The following DRC11L variants were observed in gnomAD, a reference collection of about 807,000 sequenced individuals.
DRC11L encodes dynein regulatory complex subunit like-11.
At chr7:151,203,078 G>A in the DRC11L span, 11 of 399,194 alleles carry the variant, frequency 2.8e-5, no homozygotes, top group African/African-American at 4.1e-5. Context: ...GCCTCAGTCC[G>A]GTGCATTCCT....
chr7:151,204,647 C>T, the DRC11L span: 1 of 399,196 alleles, frequency 2.5e-6, no homozygotes. Flanking sequence ...GCCGCTTCTG[C>T]GGCTGCACCA....
chr7:151,200,952 C>T, the DRC11L span, among the ~76,000 whole-genome samples: 2 of 151,922 alleles, frequency 1.3e-5, no homozygotes, highest in African/African-American at 2.4e-5. Flanking sequence ...GAGCTGGACC[C>T]GTCCTCTTTC....
chr7:151,192,589 C>T, the DRC11L span: 2 of 398,326 alleles, frequency 5.0e-6, no homozygotes, highest in Non-Finnish European at 4.4e-6. Flanking sequence ...GCCCATCCTG[C>T]TTTGAGACAA....
At chr7:151,203,745 G>T in the DRC11L span, among the ~76,000 whole-genome samples, 2 of 152,268 alleles carry the variant, frequency 1.3e-5, no homozygotes, top group East Asian at 3.9e-4. Context: ...GTAGGTGGCA[G>T]TGGTCTCAGA....
chr7:151,200,663 C>T, the DRC11L span, among the ~76,000 whole-genome samples: 1 of 152,090 alleles, frequency 6.6e-6, no homozygotes, highest in Admixed American at 6.5e-5. Context: ...AGTCAACTGG[C>T]CCCAGGGCCC....
the DRC11L span, chr7:151,196,596 C>T: frequency 4.5e-5 from 18 of 399,478 alleles, no homozygotes; most frequent in Middle Eastern, 6.2e-4. Flanking sequence ...GTCAGAGTGC[C>T]GGGTGCATAC....
At chr7:151,200,591 C>A in the DRC11L span, 7 of 397,130 alleles carry the variant, frequency 1.8e-5, no homozygotes, top group Non-Finnish European at 3.1e-5. Flanking sequence ...CCTGGGCAAG[C>A]CTGCTCAGGT....
At chr7:151,201,744 C>T in the DRC11L span, among the ~76,000 whole-genome samples, 2 of 152,076 alleles carry the variant, frequency 1.3e-5, no homozygotes, top group African/African-American at 4.8e-5. The surrounding 1 kb of genome is among the most constrained non-coding windows in gnomAD (Gnocchi z 4.1). Flanking sequence ...AGGGCCCACC[C>T]CAGGTCAACA....
the DRC11L span, chr7:151,200,445 C>G: frequency 2.5e-6 from 1 of 399,158 alleles, no homozygotes; most frequent in Non-Finnish European, 4.4e-6. Flanking sequence ...TGCAGATAGC[C>G]TTTCCACACC....
At chr7:151,200,972 C>G in the DRC11L span, among the ~76,000 whole-genome samples, 1 of 152,144 alleles carries the variant, frequency 6.6e-6, no homozygotes, top group African/African-American at 2.4e-5. Flanking sequence ...CTCCCAGGCC[C>G]AAGACCCCAT....
the DRC11L span, chr7:151,202,931 C>T: frequency 9.6e-4 from 383 of 399,902 alleles, 2 homozygotes; most frequent in South Asian, 3.8e-3. Flanking sequence ...GTGACAGCTG[C>T]TTGGCCCTGA....
the DRC11L span, among the ~76,000 whole-genome samples, chr7:151,194,071 C>A: frequency 1.6e-3 from 238 of 152,064 alleles, no homozygotes; most frequent in African/African-American, 5.3e-3. Context: ...GTCAAGGGCC[C>A]ACCTGATTTC....
chr7:151,192,595 G>A, the DRC11L span: 2 of 398,256 alleles, frequency 5.0e-6, no homozygotes, highest in Non-Finnish European at 8.8e-6. Context: ...CCTGCTTTGA[G>A]ACAAGGAAAC....
At chr7:151,204,721 G>A in the DRC11L span, 5 of 399,086 alleles carry the variant, frequency 1.3e-5, no homozygotes, top group Non-Finnish European at 2.2e-5. Flanking sequence ...AGCGATGCGA[G>A]CCTGTACTGG....
the DRC11L span, chr7:151,198,922 T>A: frequency 2.5e-6 from 1 of 399,048 alleles, no homozygotes; most frequent in Non-Finnish European, 4.4e-6. Context: ...TCTTTCTCCA[T>A]CTGGCGGAGC....
chr7:151,194,037 T>G, the DRC11L span, among the ~76,000 whole-genome samples: 2 of 151,856 alleles, frequency 1.3e-5, no homozygotes, highest in Non-Finnish European at 2.9e-5. Context: ...AGTAAGGGGC[T>G]GGCAGCGTGG....
At chr7:151,199,758 G>A in the DRC11L span, among the ~76,000 whole-genome samples, 1 of 152,250 alleles carries the variant, frequency 6.6e-6, no homozygotes, top group East Asian at 1.9e-4. The surrounding 1 kb of genome is among the most constrained non-coding windows in gnomAD (Gnocchi z 5.2). Flanking sequence ...GGCCTCCAAA[G>A]GATCTGCCTG....
At chr7:151,194,456 G>A in the DRC11L span, 164 of 399,044 alleles carry the variant, frequency 4.1e-4, no homozygotes, top group Middle Eastern at 6.3e-4. Flanking sequence ...GTGGATGGGG[G>A]TAGGGGAGCC....
the DRC11L span, among the ~76,000 whole-genome samples, chr7:151,201,214 C>G: frequency 1.7e-4 from 26 of 152,360 alleles, 1 homozygote; most frequent in Admixed American, 1.7e-3. This position sits in a 1 kb window ranked among gnomAD's most constrained non-coding sequence, Gnocchi z 4.1. Flanking sequence ...CCGGTTCCTG[C>G]CCTTCTCATC....
Sources: allele counts gnomAD v4.1 joint callset (sites outside exome capture counted in the v4.1 genomes callset), GRCh38; gene constraint gnomAD v4.1.1; non-coding constraint Gnocchi (gnomAD v3.1); transcripts MANE v1.5; gene names NCBI Gene and HGNC (gene_info 2026-07-23, HGNC 2026-07-21).